SEMA5A: variants seen among roughly 807,000 people sequenced by gnomAD.
The protein encoded by SEMA5A is semaphorin 5A.
Under a neutral mutation model 135.5 loss-of-function variants are expected in SEMA5A, and 55 were observed. The observed-to-expected ratio is 0.41, with a 90% CI of 0.33 to 0.51. The LOEUF (loss-of-function observed/expected upper bound fraction) is 0.51, where lower values mean the gene tolerates loss of function less well. Among genes scored for constraint, SEMA5A ranks in the 20% least tolerant of loss-of-function variants. SEMA5A has a pLI of 0.37. For missense variants in SEMA5A, 1,290 were observed against 1,419.9 expected (o/e 0.91, Z 1.47); for synonymous variants, 580 against 546.5 (o/e 1.06, Z -0.85).
rs73741653 is a variant in SEMA5A, at chr5:9,087,626, C to T, written c.2073+20514G>A. Among the ~76,000 whole-genome samples the T allele has an allele frequency of 8.5e-3, 1,295 of 151,932 alleles. 8 individuals are homozygous for T. The highest frequency in any genetic ancestry group is 0.022 in the South Asian group (108 of 4,830). On this transcript the variant is annotated intron_variant, in intron 16 of 22. Coordinates refer to ENST00000382496, the MANE Select transcript of SEMA5A (RefSeq NM_003966.3). ...GTTTCTGGCTGTAAAAATCATTCTC[C>T]TTATCACTATAAACACACACACACA...
intron 1 of SEMA5A, among the ~76,000 whole-genome samples, chr5:9,450,362 T>C (rs1442462342): frequency 6.6e-6 from 1 of 152,258 alleles, no homozygotes; most frequent in Non-Finnish European, 1.5e-5. Context: ...TCACTTTTCA[T>C]AGATATCAGG....
intron 10 of SEMA5A, among the ~76,000 whole-genome samples, chr5:9,192,755 G>A (rs949280089): frequency 1.5e-4 from 23 of 152,182 alleles, no homozygotes; most frequent in African/African-American, 4.3e-4. Flanking sequence ...ATGATGTTAC[G>A]TGTGGTGGTT....
intron 16 of SEMA5A, among the ~76,000 whole-genome samples, chr5:9,072,198 A>G (rs201401422): frequency 6.6e-6 from 1 of 152,182 alleles, no homozygotes; most frequent in African/African-American, 2.4e-5. Flanking sequence ...GTCAGTGATC[A>G]CTGAGTAATG....
chr5:9,089,285 C>T (rs115032058), intron 16 of SEMA5A, among the ~76,000 whole-genome samples: 7,012 of 152,266 alleles, frequency 0.046, 165 homozygotes, highest in Middle Eastern at 0.11. Flanking sequence ...GATAATGTTT[C>T]ATAACTTTTG....
At chr5:9,099,089 T>A (rs1467488964) in intron 16 of SEMA5A, among the ~76,000 whole-genome samples, 1 of 152,202 alleles carries the variant, frequency 6.6e-6, no homozygotes, top group Non-Finnish European at 1.5e-5. Context: ...TGTAGATGAT[T>A]ATTTATATGT....
At chr5:9,524,060 T>G (rs1736984410) in intron 1 of SEMA5A, among the ~76,000 whole-genome samples, 2 of 152,214 alleles carry the variant, frequency 1.3e-5, no homozygotes, top group African/African-American at 4.8e-5. Flanking sequence ...GGGTGGTTTC[T>G]AATGGTTTAG....
At chr5:9,450,323 T>G (rs1758595109) in intron 1 of SEMA5A, among the ~76,000 whole-genome samples, 1 of 152,234 alleles carries the variant, frequency 6.6e-6, no homozygotes, top group African/African-American at 2.4e-5. Context: ...GTAAATGTCA[T>G]GCTTATATGG....
At chr5:9,160,360 T>C (rs1274595400) in intron 11 of SEMA5A, among the ~76,000 whole-genome samples, 2 of 152,128 alleles carry the variant, frequency 1.3e-5, no homozygotes, top group Non-Finnish European at 2.9e-5. Flanking sequence ...GGGCAAACAG[T>C]GAAGGACCTT....
intron 2 of SEMA5A, among the ~76,000 whole-genome samples, chr5:9,384,607 GATAGATAGAT>G (rs1755770983): frequency 4.6e-5 from 4 of 87,178 alleles, no homozygotes; most frequent in African/African-American, 1.2e-4. Flanking sequence ...TAGATAGATA[GATAGATAGAT>G]ACATAGATAG....
At chr5:9,091,534 A>G (rs538788474) in intron 16 of SEMA5A, among the ~76,000 whole-genome samples, 1 of 152,312 alleles carries the variant, frequency 6.6e-6, no homozygotes, top group South Asian at 2.1e-4. Flanking sequence ...CCTTACAAGC[A>G]CTAGATTTGT....
At chr5:9,532,446 T>C (rs954329242) in intron 1 of SEMA5A, among the ~76,000 whole-genome samples, 1 of 149,254 alleles carries the variant, frequency 6.7e-6, no homozygotes, top group Non-Finnish European at 1.5e-5. Context: ...TTTTCTTTTT[T>C]TTTTTTTTTT....
chr5:9,136,855 A>C (rs1226860157), intron 12 of SEMA5A, among the ~76,000 whole-genome samples: 19 of 152,240 alleles, frequency 1.2e-4, no homozygotes, highest in Admixed American at 1.2e-3. Context: ...TCTAACATAC[A>C]TGACAGATGA....
chr5:9,430,468 G>A (rs1042459122), intron 2 of SEMA5A, among the ~76,000 whole-genome samples: 31 of 152,128 alleles, frequency 2.0e-4, no homozygotes, highest in African/African-American at 7.5e-4. Flanking sequence ...GAGAATGGTG[G>A]GAAAAGAGAC....
chr5:9,419,949 C>T (rs1579511035), intron 2 of SEMA5A, among the ~76,000 whole-genome samples: 2 of 152,226 alleles, frequency 1.3e-5, no homozygotes, highest in South Asian at 2.1e-4. Context: ...ATCCCAAAAG[C>T]TCTATTAGCA....
chr5:9,481,868 C>T (rs892830353), intron 1 of SEMA5A, among the ~76,000 whole-genome samples: 1 of 152,132 alleles, frequency 6.6e-6, no homozygotes, highest in African/African-American at 2.4e-5. Flanking sequence ...AACAGGGGGA[C>T]CAAGATTTCT....
intron 5 of SEMA5A, among the ~76,000 whole-genome samples, chr5:9,294,797 A>AATTC (rs914153852): frequency 5.9e-5 from 9 of 152,058 alleles, no homozygotes; most frequent in Admixed American, 5.2e-4. Flanking sequence ...CTGATTCAAC[A>AATTC]ATTCATTCAT....
At chr5:9,104,789 A>T (rs1739816614) in intron 16 of SEMA5A, among the ~76,000 whole-genome samples, 1 of 152,180 alleles carries the variant, frequency 6.6e-6, no homozygotes, top group Admixed American at 6.5e-5. Flanking sequence ...GCAGACCTGG[A>T]GAGCAGCACC....
intron 15 of SEMA5A, 97 bp downstream of exon 15, chr5:9,118,901 T>A: frequency 6.8e-7 from 1 of 1,471,058 alleles, no homozygotes; most frequent in Non-Finnish European, 9.1e-7. Context: ...ACACATAAGC[T>A]TAGGCAGATC....
chr5:9,162,472 ATGTGTGTG>A, intron 11 of SEMA5A, among the ~76,000 whole-genome samples: 1 of 24,534 alleles, frequency 4.1e-5, no homozygotes, highest in Non-Finnish European at 8.3e-5. Flanking sequence ...GTGTATATAT[ATGTGTGTG>A]TGTATATATG....
Sources: gnomAD v4.1 joint callset for allele counts (sites outside exome capture counted in the v4.1 genomes callset) on GRCh38, gnomAD v4.1.1 for gene constraint, MANE v1.5 for transcripts, NCBI Gene and HGNC (gene_info 2026-07-23, HGNC 2026-07-21) for gene names.